Variants in GALNT13 observed in about 807,000 individuals in gnomAD.
The protein encoded by GALNT13 is polypeptide N-acetylgalactosaminyltransferase 13.
In GALNT13, 28 loss-of-function variants were observed where a neutral mutation model predicts 64.2. That is an observed-to-expected ratio of 0.44 (90% CI 0.32 to 0.60). GALNT13 has a LOEUF of 0.60. Among genes scored for constraint, GALNT13 ranks in the 20% least tolerant of loss-of-function variants. The pLI is 0.05. For missense variants in GALNT13, 577 were observed against 669.8 expected (o/e 0.86, Z 1.53); for synonymous variants, 214 against 224.6 (o/e 0.95, Z 0.42).
At chr2:153,087,765 C>G in the GALNT13 span, among the ~76,000 whole-genome samples, 4 of 152,054 alleles carry the variant, frequency 2.6e-5, no homozygotes, top group African/African-American at 9.7e-5. Flanking sequence ...TGTAGGTGTT[C>G]ACAGTATCCT....
the GALNT13 span, among the ~76,000 whole-genome samples, chr2:153,666,487 G>A: frequency 6.6e-6 from 1 of 152,142 alleles, no homozygotes; most frequent in Non-Finnish European, 1.5e-5. Context: ...AGCAGACCAG[G>A]AAAATCTCAG....
chr2:154,256,812 T>A (rs1690402650), intron 7 of GALNT13, among the ~76,000 whole-genome samples: 1 of 151,800 alleles, frequency 6.6e-6, no homozygotes, highest in Non-Finnish European at 1.5e-5. Context: ...AATTGACTGT[T>A]TGGTTGCTTG....
rs1435216026 is a variant in GALNT13, at chr2:154,450,462, G to A, written c.1582G>A (p.Glu528Lys). 1 of 1,612,586 alleles carries A rather than the reference G, an allele frequency of 6.2e-7. No individual in the cohort carries two copies. The highest frequency in any genetic ancestry group is 1.3e-5 in the African/African-American group (1 of 74,820). ...NSNQCLDEPSEEDKMVPTMQD... is the reference protein window; with the variant it reads ...NSNQCLDEPSKEDKMVPTMQD... ...TAACCAATGTCTCGATGAACCTTCT[G>A]AAGAAGACAAAATGGTGCCTACAAT... Residue 528 changes from glutamate to lysine, a missense_variant, in exon 13 of 13, where the codon GAA (glutamate) becomes AAA (lysine). By Grantham distance (56) the Glu-to-Lys change is moderately conservative. Coordinates refer to ENST00000392825, the MANE Select transcript of GALNT13 (RefSeq NM_052917.4).
the GALNT13 span, among the ~76,000 whole-genome samples, chr2:153,091,615 G>A: frequency 6.6e-6 from 1 of 152,324 alleles, no homozygotes; most frequent in East Asian, 1.9e-4. Context: ...GTCTGTCCAA[G>A]TGGGAGCTGC....
the GALNT13 span, among the ~76,000 whole-genome samples, chr2:153,854,922 A>G: frequency 4.6e-5 from 7 of 152,178 alleles, no homozygotes; most frequent in African/African-American, 1.7e-4. Context: ...TTCTACATTA[A>G]TTTTGACAAT....
chr2:153,646,296 TA>T, the GALNT13 span, among the ~76,000 whole-genome samples: 18 of 152,068 alleles, frequency 1.2e-4, no homozygotes, highest in East Asian at 2.9e-3. Context: ...TATTATTTAC[TA>T]AGATTATAGT....
chr2:154,276,795 G>T (rs1472993382), intron 8 of GALNT13, among the ~76,000 whole-genome samples: 2 of 152,288 alleles, frequency 1.3e-5, no homozygotes, highest in African/African-American at 2.4e-5. Flanking sequence ...GAGTGCTGCT[G>T]TTCTCATGAT....
At chr2:153,642,506 G>A in the GALNT13 span, among the ~76,000 whole-genome samples, 1 of 151,692 alleles carries the variant, frequency 6.6e-6, no homozygotes, top group Admixed American at 6.6e-5. Context: ...TTGAAGAAAG[G>A]TATAATTATC....
the GALNT13 span, among the ~76,000 whole-genome samples, chr2:153,720,642 G>C: frequency 6.6e-6 from 1 of 151,582 alleles, no homozygotes; most frequent in African/African-American, 2.4e-5. Flanking sequence ...GAAAACCAAG[G>C]CTCGAGAACT....
At chr2:153,940,407 G>A (rs753750499) in intron 2 of GALNT13, among the ~76,000 whole-genome samples, 22 of 151,684 alleles carry the variant, frequency 1.5e-4, no homozygotes, top group Non-Finnish European at 2.4e-4. Flanking sequence ...ACAGGAGTCC[G>A]CCACCACGCC....
intron 4 of GALNT13, among the ~76,000 whole-genome samples, chr2:154,211,891 C>G (rs867976773): frequency 6.6e-6 from 1 of 151,326 alleles, no homozygotes; most frequent in Non-Finnish European, 1.5e-5. Flanking sequence ...TCAAGAAAGA[C>G]AAAACAAAAA....
chr2:153,161,274 C>A, the GALNT13 span, among the ~76,000 whole-genome samples: 8 of 152,150 alleles, frequency 5.3e-5, no homozygotes, highest in African/African-American at 1.7e-4. Context: ...TCAGTGTCTT[C>A]ATTCCTTATT....
intron 3 of GALNT13, among the ~76,000 whole-genome samples, chr2:154,064,886 G>A (rs965441589): frequency 2.0e-5 from 3 of 152,000 alleles, no homozygotes; most frequent in Admixed American, 1.3e-4. Flanking sequence ...TGCATCTTAG[G>A]TACCCGCTCA....
At chr2:153,871,708 G>C (rs1685949389), upstream of GALNT13, among the ~76,000 whole-genome samples, 1 of 152,332 alleles carries the variant, frequency 6.6e-6, no homozygotes, top group South Asian at 2.1e-4. Context: ...GCCAGCTCCA[G>C]AAGCAGCTGG....
intron 3 of GALNT13, among the ~76,000 whole-genome samples, chr2:154,010,081 C>G (rs887034944): frequency 6.6e-6 from 1 of 152,148 alleles, no homozygotes; most frequent in Admixed American, 6.6e-5. Context: ...ATGGATTTCT[C>G]AAGGTATGAA....
chr2:153,739,722 A>T, the GALNT13 span, among the ~76,000 whole-genome samples: 1 of 150,924 alleles, frequency 6.6e-6, no homozygotes, highest in Non-Finnish European at 1.5e-5. Flanking sequence ...TACTTTGGAT[A>T]CATTTTACTT....
rs143744763 is a variant in GALNT13 at position 154,115,626 on chromosome 2, G to A, written c.143-24711G>A. On this transcript the variant is annotated intron_variant, in intron 3 of 12. Coordinates refer to ENST00000392825, the MANE Select transcript of GALNT13 (RefSeq NM_052917.4). ...AGTAGAGATGATGTTTTCCCATATCGGTTAGTCTGGTCTTGAACTCCTGAC... is the reference window on the plus strand; with the variant it reads ...AGTAGAGATGATGTTTTCCCATATCAGTTAGTCTGGTCTTGAACTCCTGAC... Among the ~76,000 whole-genome samples, 1,048 of 152,062 alleles carry A rather than the reference G, an allele frequency of 6.9e-3. 12 individuals carry two copies. The highest frequency in any genetic ancestry group is 0.024 in the African/African-American group (989 of 41,492).
chr2:153,755,640 A>G, the GALNT13 span, among the ~76,000 whole-genome samples: 4 of 152,086 alleles, frequency 2.6e-5, no homozygotes, highest in Non-Finnish European at 4.4e-5. Flanking sequence ...TATATTTTGT[A>G]TATTAACCCC....
intron 4 of GALNT13, among the ~76,000 whole-genome samples, chr2:154,234,754 T>C (rs988988541): frequency 1.3e-5 from 2 of 152,122 alleles, no homozygotes; most frequent in South Asian, 2.1e-4. Flanking sequence ...TGACTCCTCA[T>C]TGCAAACCTT....
Sources: gnomAD v4.1 joint callset for allele counts (sites outside exome capture counted in the v4.1 genomes callset) on GRCh38, gnomAD v4.1.1 for gene constraint, MANE v1.5 for transcripts, NCBI Gene and HGNC (gene_info 2026-07-23, HGNC 2026-07-21) for gene names.